Variants in TRAPPC9 observed in about 807,000 individuals in gnomAD.
The protein encoded by TRAPPC9 is IKK2 binding protein.
In TRAPPC9, 83 loss-of-function variants were observed where a neutral mutation model predicts 124.0. That is an observed-to-expected ratio of 0.67 (90% CI 0.56 to 0.80). The LOEUF (loss-of-function observed/expected upper bound fraction) is 0.80, where lower values mean the gene tolerates loss of function less well. TRAPPC9 is among the 30% of genes least tolerant of loss of function. The pLI is 0.00. For missense variants in TRAPPC9, 1,302 were observed against 1,508.3 expected (o/e 0.86, Z 2.27); for synonymous variants, 638 against 617.5 (o/e 1.03, Z -0.49).
intron 17 of TRAPPC9, among the ~76,000 whole-genome samples, chr8:140,211,025 T>TAA (rs750474367): frequency 1.3e-5 from 2 of 151,570 alleles, no homozygotes; most frequent in African/African-American, 4.8e-5. Flanking sequence ...TTTTTTTTTT[T>TAA]AAAAACTTGA....
At chr8:140,458,554 G>C, upstream of TRAPPC9, 1 of 1,578,242 alleles carries the variant, frequency 6.3e-7, no homozygotes, top group Non-Finnish European at 8.6e-7. Flanking sequence ...TTGATCCCCA[G>C]CTGGCACCAT....
intron 11 of TRAPPC9, among the ~76,000 whole-genome samples, chr8:140,295,244 CA>C (rs2065775424): frequency 6.6e-6 from 1 of 152,182 alleles, no homozygotes; most frequent in Non-Finnish European, 1.5e-5. Context: ...TAACTGCTAC[CA>C]AAAATGTTAC....
chr8:139,946,529 T>A (rs12114317), intron 19 of TRAPPC9, among the ~76,000 whole-genome samples: 1 of 152,116 alleles, frequency 6.6e-6, no homozygotes, highest in Non-Finnish European at 1.5e-5. Context: ...TTACCATGAA[T>A]GCTTATAGAG....
intron 9 of TRAPPC9, among the ~76,000 whole-genome samples, chr8:140,312,314 G>C (rs1275411462): frequency 1.3e-5 from 2 of 152,198 alleles, no homozygotes; most frequent in Non-Finnish European, 2.9e-5. Flanking sequence ...AGAGGGACAC[G>C]ATCGCCAGGG....
chr8:140,288,158 A>C (rs2065544515), intron 12 of TRAPPC9, among the ~76,000 whole-genome samples: 1 of 152,204 alleles, frequency 6.6e-6, no homozygotes, highest in Non-Finnish European at 1.5e-5. Flanking sequence ...CCTGGGCAAC[A>C]CAGTAAGACC....
At position 140,143,447 on chromosome 8, in the gene TRAPPC9, C is replaced by T. The variant is rs1035355921; in HGVS notation, c.2556+78012G>A. 3.3e-5 allele frequency among the ~76,000 whole-genome samples: 5 copies of T among 152,170 alleles called. No homozygotes were observed. In the East Asian group the frequency reaches 9.6e-4, roughly 29 times the overall value. ...TTTTGGAAATTCTCTAACTTTTCTT[C>T]GTTTGGGATATTTCATATATACAGA... On this transcript the variant is annotated intron_variant, in intron 17 of 22. Coordinates refer to ENST00000438773, the MANE Select transcript of TRAPPC9 (RefSeq NM_001160372.4).
intron 21 of TRAPPC9, among the ~76,000 whole-genome samples, chr8:139,841,174 G>T (rs1826706659): frequency 6.6e-6 from 1 of 152,114 alleles, no homozygotes; most frequent in Admixed American, 6.5e-5. Context: ...GCTCCTTCTT[G>T]TGGTCCTTCT....
intron 17 of TRAPPC9, among the ~76,000 whole-genome samples, chr8:140,213,101 G>C (rs13265361): frequency 6.7e-6 from 1 of 149,064 alleles, no homozygotes; most frequent in Non-Finnish European, 1.5e-5. Context: ...TTGTTTTTTT[G>C]TTTTTTTACT....
At chr8:140,398,825 A>C (rs1233724363) in intron 6 of TRAPPC9, among the ~76,000 whole-genome samples, 1 of 152,254 alleles carries the variant, frequency 6.6e-6, no homozygotes, top group Admixed American at 6.5e-5. Context: ...AGAGGCAGCC[A>C]AATGTTAATC....
chr8:139,827,159 T>G (rs960291517), intron 21 of TRAPPC9, among the ~76,000 whole-genome samples: 1 of 152,266 alleles, frequency 6.6e-6, no homozygotes, highest in East Asian at 1.9e-4. Flanking sequence ...TGCAGAATGG[T>G]GAGCTAGAGC....
At chr8:139,986,257 C>A (rs1485155255) in intron 19 of TRAPPC9, among the ~76,000 whole-genome samples, 4 of 151,638 alleles carry the variant, frequency 2.6e-5, no homozygotes, top group East Asian at 1.9e-4. Context: ...AAACAAAAAA[C>A]CAAAAAACAA....
chr8:140,198,657 C>T (rs976127243), intron 17 of TRAPPC9, among the ~76,000 whole-genome samples: 2 of 152,140 alleles, frequency 1.3e-5, no homozygotes, highest in South Asian at 2.1e-4. Flanking sequence ...GTTGGCTCTG[C>T]GTGAATTACT....
At chr8:139,870,896 A>G (rs1031998586) in intron 21 of TRAPPC9, among the ~76,000 whole-genome samples, 3 of 152,216 alleles carry the variant, frequency 2.0e-5, no homozygotes, top group South Asian at 4.1e-4. Flanking sequence ...AGGGGCTACC[A>G]TGCAGTGGGA....
chr8:140,116,855 A>G (rs34303184), intron 17 of TRAPPC9, among the ~76,000 whole-genome samples: 30,509 of 140,156 alleles, frequency 0.22, 4,374 homozygotes, highest in Admixed American at 0.32. Flanking sequence ...GGAGTTCAGT[A>G]AGTAGGCGGA....
chr8:140,053,504 T>C (rs959612794), intron 17 of TRAPPC9, among the ~76,000 whole-genome samples: 8 of 152,240 alleles, frequency 5.3e-5, no homozygotes, highest in Non-Finnish European at 1.0e-4. Context: ...GAAAATGTTC[T>C]GTCTGCACTT....
At chr8:139,885,747 G>C (rs2131115054) in intron 21 of TRAPPC9, 132 bp downstream of exon 21, 1 of 844,762 alleles carries the variant, frequency 1.2e-6, no homozygotes, top group Non-Finnish European at 1.9e-6. Context: ...TTTCCCCCAA[G>C]GTTTCCCGTG....
intron 17 of TRAPPC9, among the ~76,000 whole-genome samples, chr8:140,163,679 T>C (rs2061786865): frequency 6.6e-6 from 1 of 152,178 alleles, no homozygotes; most frequent in Admixed American, 6.5e-5. Flanking sequence ...ACCTTCAGAA[T>C]ACATCCAGAT....
intron 4 of TRAPPC9, among the ~76,000 whole-genome samples, chr8:140,433,040 C>T (rs1054474563): frequency 6.6e-6 from 1 of 152,210 alleles, no homozygotes; most frequent in African/African-American, 2.4e-5. Flanking sequence ...ACAGTGCTCA[C>T]ACCTGTAATC....
chr8:140,153,315 T>A (rs887513202), intron 17 of TRAPPC9, among the ~76,000 whole-genome samples: 1 of 152,074 alleles, frequency 6.6e-6, no homozygotes, highest in African/African-American at 2.4e-5. Flanking sequence ...TGTTACTTCT[T>A]CCCTCCATGA....
Sources: gnomAD v4.1 joint callset for allele counts (sites outside exome capture counted in the v4.1 genomes callset) on GRCh38, gnomAD v4.1.1 for gene constraint, MANE v1.5 for transcripts, NCBI Gene and HGNC (gene_info 2026-07-23, HGNC 2026-07-21) for gene names.